Variants in ATF6 observed in about 807,000 individuals in gnomAD.
The protein encoded by ATF6 is activating transcription factor 6.
In ATF6, 53 loss-of-function variants were observed where a neutral mutation model predicts 83.6. The ratio of observed to expected loss-of-function variants is 0.63; its 90% CI spans 0.51 to 0.80. The LOEUF (loss-of-function observed/expected upper bound fraction) is 0.80, where lower values mean the gene tolerates loss of function less well. Ranked by LOEUF, ATF6 falls within the 30% of genes least tolerant of loss-of-function variation. The pLI is 0.00. For missense variants in ATF6, 744 were observed against 797.9 expected (o/e 0.93, Z 0.81); for synonymous variants, 288 against 285.8 (o/e 1.01, Z -0.08).
At chr1:161,900,790 T>C (rs948802228) in intron 14 of ATF6, among the ~76,000 whole-genome samples, 6 of 152,160 alleles carry the variant, frequency 3.9e-5, no homozygotes, top group Non-Finnish European at 8.8e-5. Context: ...ACAAAACTAA[T>C]GATCTTCAGT....
intron 8 of ATF6, among the ~76,000 whole-genome samples, chr1:161,820,789 G>A (rs1050626652): frequency 1.3e-5 from 2 of 151,906 alleles, no homozygotes; most frequent in African/African-American, 4.8e-5. Flanking sequence ...CTTTCCTCTT[G>A]GGTGAAGAGG....
At chr1:161,882,793 A>G (rs1687346230) in intron 14 of ATF6, among the ~76,000 whole-genome samples, 1 of 151,440 alleles carries the variant, frequency 6.6e-6, no homozygotes, top group African/African-American at 2.4e-5. Context: ...CCTTATCTCT[A>G]ATATAGTAAT....
rs35432799 is a variant in ATF6, at chr1:161,937,347, TA to T, written c.1805-21076del. On this transcript the variant is annotated intron_variant, in intron 15 of 15. Coordinates refer to ENST00000367942, the MANE Select transcript of ATF6 (RefSeq NM_007348.4). Reference sequence around the variant, plus strand: ...CGACAGAGTGAGACTCCCTCTCAGTTAAAAAAAAAAAAAAAAAAAAAAATCA... The same window carrying T: ...CGACAGAGTGAGACTCCCTCTCAGTTAAAAAAAAAAAAAAAAAAAAAATCA... 6.2e-3 allele frequency among the ~76,000 whole-genome samples: 687 copies of T among 111,002 alleles called. 7 individuals are homozygous for T. The highest frequency in any genetic ancestry group is 0.021 in the African/African-American group (607 of 29,126). 72.8% of individuals were successfully genotyped at this position (111,002 alleles called of 152,430 possible). A position where few individuals can be genotyped will look rare whatever the true frequency, so the allele number is the denominator to read the frequency against.
chr1:161,818,767 G>A (rs1685677695), intron 7 of ATF6, among the ~76,000 whole-genome samples: 1 of 152,204 alleles, frequency 6.6e-6, no homozygotes, highest in African/African-American at 2.4e-5. Context: ...GTAGATTTAG[G>A]GCAGAAGGTC....
At chr1:161,869,203 T>C (rs952665730) in intron 14 of ATF6, among the ~76,000 whole-genome samples, 4 of 152,096 alleles carry the variant, frequency 2.6e-5, no homozygotes, top group Non-Finnish European at 5.9e-5. Context: ...ATACCTAGAT[T>C]AATACCTAAC....
chr1:161,789,254 T>A (rs1418948445), intron 4 of ATF6, among the ~76,000 whole-genome samples: 1 of 133,340 alleles, frequency 7.5e-6, no homozygotes, highest in Non-Finnish European at 1.6e-5. Context: ...TCCTTCTCCT[T>A]TTTTTTTTTT....
intron 6 of ATF6, among the ~76,000 whole-genome samples, chr1:161,801,031 C>G (rs555263791): frequency 3.3e-5 from 5 of 152,106 alleles, no homozygotes; most frequent in African/African-American, 1.2e-4. Context: ...ATTGAGTATC[C>G]CTTATCCAAA....
intron 14 of ATF6, among the ~76,000 whole-genome samples, chr1:161,907,450 T>C (rs1291385255): frequency 6.6e-6 from 1 of 152,210 alleles, no homozygotes. Flanking sequence ...GTTAAGAGGC[T>C]GGTGTTACTA....
intron 7 of ATF6, among the ~76,000 whole-genome samples, chr1:161,816,336 G>A (rs1685612389): frequency 6.6e-6 from 1 of 152,220 alleles, no homozygotes; most frequent in Non-Finnish European, 1.5e-5. Flanking sequence ...TTGATTTTAT[G>A]TTTTCAGATT....
In ATF6 at chr1:161,795,147, A is replaced by G. The variant is rs942865103; in HGVS notation, c.688+2820A>G. ...TATACTGTATCGCCTTAAAAAAAAA[A>G]TGACAGATGTATTCCTTGCTCTCAA... On this transcript the variant is annotated intron_variant, in intron 6 of 15. Transcript: ENST00000367942. 3.9e-5 allele frequency among the ~76,000 whole-genome samples: 6 copies of G among 152,264 alleles called. No homozygotes were observed. The South Asian group carries it at 1.2e-3, about 32-fold the overall frequency.
At chr1:161,939,005 C>T (rs530669319) in intron 15 of ATF6, among the ~76,000 whole-genome samples, 1 of 152,286 alleles carries the variant, frequency 6.6e-6, no homozygotes, top group Non-Finnish European at 1.5e-5. Context: ...TCCTTCTCTC[C>T]TGCTGTTCTC....
chr1:161,830,252 A>C (rs1044020551), intron 9 of ATF6, among the ~76,000 whole-genome samples: 10 of 152,348 alleles, frequency 6.6e-5, no homozygotes, highest in Admixed American at 2.0e-4. Flanking sequence ...GATGTGAAGG[A>C]CCTCTTCAAG....
chr1:161,836,902 T>C (rs1444841747), intron 9 of ATF6, among the ~76,000 whole-genome samples: 1 of 152,160 alleles, frequency 6.6e-6, no homozygotes, highest in East Asian at 1.9e-4. Context: ...GCTTTCTACC[T>C]AGTGAGAAGG....
intron 15 of ATF6, among the ~76,000 whole-genome samples, chr1:161,943,206 G>A (rs1186177324): frequency 2.6e-5 from 4 of 152,140 alleles, no homozygotes; most frequent in African/African-American, 9.7e-5. Flanking sequence ...GAGACCAGGT[G>A]GAGGTAATTC....
rs535117270 is a variant in ATF6, at chr1:161,814,718, TTC to T, written c.910-4911_910-4910del. Among the ~76,000 whole-genome samples, 779 of 152,284 alleles carry T rather than the reference TTC, an allele frequency of 5.1e-3. 2 individuals are homozygous for T. The highest frequency in any genetic ancestry group is 0.012 in the Admixed American group (183 of 15,300). On this transcript the variant is annotated intron_variant, in intron 7 of 15. Transcript: ENST00000367942. Reference sequence around the variant, plus strand: ...AGTAGAGATAGTGAAAGTCTAAATTTTCTCTTTTTTTCTGCTTTAAACAATTT... The same window carrying T: ...AGTAGAGATAGTGAAAGTCTAAATTTTCTTTTTTTCTGCTTTAAACAATTT...
intron 1 of ATF6, among the ~76,000 whole-genome samples, chr1:161,771,585 T>G (rs940056907): frequency 2.0e-5 from 3 of 152,186 alleles, no homozygotes; most frequent in Non-Finnish European, 4.4e-5. Context: ...CTCTCCTGAT[T>G]CCTGGATCAC....
intron 1 of ATF6, among the ~76,000 whole-genome samples, chr1:161,777,830 G>GTA (rs1684552489): frequency 6.6e-6 from 1 of 152,176 alleles, no homozygotes; most frequent in African/African-American, 2.4e-5. Flanking sequence ...TACGCAGTGT[G>GTA]TATATACTTT....
intron 14 of ATF6, among the ~76,000 whole-genome samples, chr1:161,909,828 C>T (rs972074713): frequency 2.0e-5 from 3 of 152,038 alleles, no homozygotes; most frequent in Admixed American, 6.5e-5. Context: ...TGGTGGCGGG[C>T]GCCTGTAGTC....
intron 14 of ATF6, among the ~76,000 whole-genome samples, chr1:161,905,871 G>A (rs559955499): frequency 8.1e-4 from 123 of 151,668 alleles, no homozygotes; most frequent in African/African-American, 2.8e-3. Flanking sequence ...TCGCCCTGTC[G>A]CCCAGGCTGG....
Sources: allele counts gnomAD v4.1 joint callset (sites outside exome capture counted in the v4.1 genomes callset), GRCh38; gene constraint gnomAD v4.1.1; transcripts MANE v1.5; gene names NCBI Gene and HGNC (gene_info 2026-07-23, HGNC 2026-07-21).